Variants in TBC1D16 observed in about 807,000 individuals in gnomAD.
TBC1D16 encodes TBC1 domain family member 16.
A neutral mutation model predicts 74.7 loss-of-function variants in TBC1D16; 58 were observed. The observed-to-expected ratio is 0.78, with a 90% CI of 0.63 to 0.97. The LOEUF (loss-of-function observed/expected upper bound fraction) is 0.97, where lower values mean the gene tolerates loss of function less well. Ranked by LOEUF, TBC1D16 falls within the 50% of genes least tolerant of loss-of-function variation. The pLI is 0.00. For missense variants in TBC1D16, 1,014 were observed against 1,079.5 expected (o/e 0.94, Z 0.85); for synonymous variants, 493 against 474.7 (o/e 1.04, Z -0.50).
chr17:79,981,934 CAT>C lies in TBC1D16; in HGVS notation c.779+28224_779+28225del, dbSNP rs749908898. Among the ~76,000 whole-genome samples the C allele has an allele frequency of 7.2e-5, 11 of 152,242 alleles. No individual in the cohort carries two copies. Among genetic ancestry groups the C allele is most frequent in the Middle Eastern group, 3.2e-3 (1 of 316 alleles). ...GCACACACACACGCACACACACACA[CAT>C]GCACATGTATTAAAGCAAAAGTGAG... On this transcript the variant is annotated intron_variant, in intron 3 of 11. Transcript: ENST00000310924. This position sits in a 1 kb window ranked among gnomAD's most constrained non-coding sequence, Gnocchi z 6.9.
chr17:80,028,027 A>AT (rs1316014607), intron 1 of TBC1D16, among the ~76,000 whole-genome samples: 2 of 152,084 alleles, frequency 1.3e-5, no homozygotes, highest in Admixed American at 6.6e-5. Context: ...TGTGTTTTCA[A>AT]TAATAAGCTC....
At chr17:79,966,957 C>T (rs1342804401) in intron 3 of TBC1D16, among the ~76,000 whole-genome samples, 1 of 152,226 alleles carries the variant, frequency 6.6e-6, no homozygotes, top group Middle Eastern at 3.4e-3. Context: ...ACAGGAAACA[C>T]AAGATCATCT....
rs975509455 is a variant in TBC1D16 at position 79,971,713 on chromosome 17, G to A, written c.780-18895C>T. On this transcript the variant is annotated intron_variant, in intron 3 of 11. Transcript: ENST00000310924. This position sits in a 1 kb window ranked among gnomAD's most constrained non-coding sequence, Gnocchi z 4.6. ...GGAAGACCTGAGGAAGCTGGTGCCC[G>A]ACCCACCAGGAGACATGGACCTCAT... 6.6e-6 allele frequency among the ~76,000 whole-genome samples: 1 copy of A among 152,172 alleles called. No homozygotes were observed. Among genetic ancestry groups the A allele is most frequent in the Non-Finnish European group, 1.5e-5 (1 of 68,026 alleles).
intron 1 of TBC1D16, among the ~76,000 whole-genome samples, chr17:80,016,336 A>G (rs1318256771): frequency 6.6e-6 from 1 of 152,178 alleles, no homozygotes; most frequent in Admixed American, 6.5e-5. Flanking sequence ...CTGGAGGTGG[A>G]CAGTGGCGGC....
intron 1 of TBC1D16, among the ~76,000 whole-genome samples, chr17:80,030,512 A>C (rs915117112): frequency 6.6e-6 from 1 of 152,172 alleles, no homozygotes; most frequent in Admixed American, 6.5e-5. Context: ...CAAACAGGAA[A>C]ACAAAAAGAA....
At position 80,010,873 on chromosome 17, in the gene TBC1D16, C is replaced by T. The variant is rs1459712731; in HGVS notation, c.182-116G>A. On this transcript the variant is annotated intron_variant, in intron 2 of 11. Transcript: ENST00000310924. This position sits in a 1 kb window ranked among gnomAD's most constrained non-coding sequence, Gnocchi z 8.8. ...ACTGCCCTTTAGTAAAGTGCCAGTC[C>T]GGCCTCAGATACAGCCTGGCCCTGA... 1.6e-5 allele frequency: 11 copies of T among 676,506 alleles called. No homozygotes were observed. The highest frequency in any genetic ancestry group is 3.7e-5 in the Admixed American group (1 of 27,000). 41.9% of individuals were successfully genotyped at this position (676,506 alleles called of 1,614,324 possible). A position where few individuals can be genotyped will look rare whatever the true frequency, so the allele number is the denominator to read the frequency against.
chr17:79,943,833 A>C, intron 10 of TBC1D16: 1 of 1,357,796 alleles, frequency 7.4e-7, no homozygotes, highest in Non-Finnish European at 9.5e-7. Flanking sequence ...CTGAACGTAA[A>C]GGAATGAGGG....
chr17:79,932,541 C>T lies in TBC1D16; in HGVS notation c.*8318G>A, dbSNP rs11213. ...ATCTCAGGACTTCTTGGCCCTTGCC[C>T]ATTGCCATACTCTACTGTCAGATTT... On this transcript the variant is annotated 3_prime_UTR_variant, in exon 12 of 12. Transcript: ENST00000310924. 4,212 of 152,372 alleles carry T rather than the reference C, an allele frequency of 0.028. 92 individuals carry two copies. The highest frequency in any genetic ancestry group is 0.058 in the African/African-American group (2,406 of 41,556). The allele number at this position is 152,372 out of a possible 1,614,324, so 9.4% of individuals were successfully genotyped here. A position where few individuals can be genotyped will look rare whatever the true frequency, so the allele number is the denominator to read the frequency against.
chr17:79,988,630 A>G lies in TBC1D16; in HGVS notation c.779+21530T>C, dbSNP rs192074623. On this transcript the variant is annotated intron_variant, in intron 3 of 11. Transcript: ENST00000310924. This position sits in a 1 kb window ranked among gnomAD's most constrained non-coding sequence, Gnocchi z 5.7. Reference sequence around the variant, plus strand: ...TCAACACACACCAGCAACTTAACAAATCAACTCCAACAAAGGGGAAAAAAT... The same window carrying G: ...TCAACACACACCAGCAACTTAACAAGTCAACTCCAACAAAGGGGAAAAAAT... Among the ~76,000 whole-genome samples, 95 of 152,370 alleles carry G rather than the reference A, an allele frequency of 6.2e-4. No individual in the cohort carries two copies. The highest frequency in any genetic ancestry group is 2.3e-3 in the African/African-American group (94 of 41,592).
chr17:79,955,457 G>GA (rs1263771056), intron 3 of TBC1D16, among the ~76,000 whole-genome samples: 8 of 152,120 alleles, frequency 5.3e-5, no homozygotes, highest in Non-Finnish European at 1.2e-4. Context: ...TGAAGTCACA[G>GA]AAAAAAATGT....
Position 79,940,549 on chromosome 17 carries a change from G to A in TBC1D16, c.*310C>T, listed in dbSNP as rs1021003438. On this transcript the variant is annotated 3_prime_UTR_variant, in exon 12 of 12. Transcript: ENST00000310924. The surrounding 1 kb of genome is among the most constrained non-coding windows in gnomAD (Gnocchi z 5.4). ...CCCTCGAGGGTGGAGCAAATCCTGG[G>A]ACATGTTGAAATCCTCCAGGGCAGC... 1.1e-5 allele frequency: 3 copies of A among 266,030 alleles called. No homozygotes were observed. The highest frequency in any genetic ancestry group is 4.4e-5 in the African/African-American group (2 of 45,600). 16.5% of individuals were successfully genotyped at this position (266,030 alleles called of 1,614,324 possible).
chr17:79,947,683 C>T lies in TBC1D16; in HGVS notation c.1690G>A (p.Val564Ile), dbSNP rs777846967. Residue 564 changes from valine to isoleucine, a missense_variant, in exon 9 of 12, where the codon GTC becomes ATC. Transcript: ENST00000310924. ...ATGTCCTCGTCCCGGGGTGAGCTGACGAAGATCGTGTTCTGCATCAAACCC... is the reference window on the plus strand; with the variant it reads ...ATGTCCTCGTCCCGGGGTGAGCTGATGAAGATCGTGTTCTGCATCAAACCC... ...FVGLMQNTIF[V>I]SSPRDEDMEK... 30 of 1,613,984 alleles carry T rather than the reference C, an allele frequency of 1.9e-5. No individual in the cohort carries two copies. The African/African-American group carries it at 2.0e-4, about 11-fold the overall frequency.
In TBC1D16 at chr17:79,935,482, T is replaced by C. The variant is rs1436286900; in HGVS notation, c.*5377A>G. 1 of 152,206 alleles carries C rather than the reference T, an allele frequency of 6.6e-6. No homozygotes were observed. The highest frequency in any genetic ancestry group is 1.5e-5 in the Non-Finnish European group (1 of 68,060). The allele number at this position is 152,206 out of a possible 1,614,324, so 9.4% of individuals were successfully genotyped here. A position where few individuals can be genotyped will look rare whatever the true frequency, so the allele number is the denominator to read the frequency against. On this transcript the variant is annotated 3_prime_UTR_variant, in exon 12 of 12. Transcript: ENST00000310924. ...CTCTTTTACACCTTCCCCTCCCCCATCTCAGAACATGGGAGAAGCCGGGCA... is the reference window on the plus strand; with the variant it reads ...CTCTTTTACACCTTCCCCTCCCCCACCTCAGAACATGGGAGAAGCCGGGCA...
intron 3 of TBC1D16, among the ~76,000 whole-genome samples, chr17:79,969,504 G>A (rs1383693488): frequency 6.6e-6 from 1 of 152,208 alleles, no homozygotes; most frequent in Non-Finnish European, 1.5e-5. Context: ...GGAGGTCCTA[G>A]AGAAATCGGA....
chr17:79,948,214 G>A (rs536660986), intron 8 of TBC1D16, among the ~76,000 whole-genome samples: 12 of 151,814 alleles, frequency 7.9e-5, no homozygotes, highest in Non-Finnish European at 1.5e-4. Flanking sequence ...TTGGGAGGCT[G>A]AGACTGGAGA....
intron 3 of TBC1D16, among the ~76,000 whole-genome samples, chr17:79,996,351 T>C (rs1043333389): frequency 2.0e-5 from 3 of 152,146 alleles, no homozygotes; most frequent in Non-Finnish European, 4.4e-5. Context: ...AAGAATCAGA[T>C]ACCTGGATGG....
In TBC1D16 at chr17:79,971,443, G is replaced by A. The variant is rs982845094; in HGVS notation, c.780-18625C>T. Among the ~76,000 whole-genome samples the A allele has an allele frequency of 1.3e-5, 2 of 152,094 alleles. No homozygotes were observed. The highest frequency in any genetic ancestry group is 6.6e-5 in the Admixed American group (1 of 15,260). The stretch of plus-strand genomic sequence containing the variant: ...ATCGGCATTGGAAGCCTGTCCCCCA[G>A]GTCATCCTGGTCTGGAAGCCCTGTC... On this transcript the variant is annotated intron_variant, in intron 3 of 11. Transcript: ENST00000310924. This position sits in a 1 kb window ranked among gnomAD's most constrained non-coding sequence, Gnocchi z 4.6.
At position 80,013,522 on chromosome 17, in the gene TBC1D16, C is replaced by G. The variant is rs747760676; in HGVS notation, c.26G>C (p.Arg9Thr). ...GAGGTCCGAGGCTTTGGAGGAGGCC[C>G]TGCGAAGGAGGCGGCCCAGAGACAT... MSLGRLLR[R>T]ASSKASDLLT... Residue 9 changes from arginine to threonine, a missense_variant, in exon 2 of 12, where the codon AGG (arginine) becomes ACG (threonine). Transcript: ENST00000310924. 2.9e-5 allele frequency: 45 copies of G among 1,552,476 alleles called. No individual in the cohort carries two copies. The highest frequency in any genetic ancestry group is 3.8e-5 in the Non-Finnish European group (44 of 1,150,042).
intron 1 of TBC1D16, among the ~76,000 whole-genome samples, chr17:80,024,580 ACACAC>A (rs1328845381): frequency 9.6e-3 from 79 of 8,210 alleles, no homozygotes; most frequent in Non-Finnish European, 0.011. Context: ...CCATAGGCAC[ACACAC>A]CACACACCAC....
Sources: gnomAD v4.1 joint callset for allele counts (sites outside exome capture counted in the v4.1 genomes callset) on GRCh38, gnomAD v4.1.1 for gene constraint, Gnocchi (gnomAD v3.1) non-coding constraint, MANE v1.5 for transcripts, NCBI Gene and HGNC (gene_info 2026-07-23, HGNC 2026-07-21) for gene names.